Variants in ADAMTSL1 observed in about 807,000 individuals in gnomAD.
The protein encoded by ADAMTSL1 is ADAMTS-like protein 1.
In ADAMTSL1, 126 loss-of-function variants were observed where a neutral mutation model predicts 201.8. That is an observed-to-expected ratio of 0.62 (90% CI 0.54 to 0.72). The LOEUF (loss-of-function observed/expected upper bound fraction) is 0.72, where lower values mean the gene tolerates loss of function less well. Among genes scored for constraint, ADAMTSL1 ranks in the 30% least tolerant of loss-of-function variants. ADAMTSL1 has a pLI of 0.00. For synonymous variants in ADAMTSL1, 1,121 were observed against 903.4 expected (o/e 1.24, Z -4.32); for missense variants, 2,679 against 2,277.8 (o/e 1.18, Z -3.59).
chr9:18,792,705 G>T (rs1226259191), intron 19 of ADAMTSL1, among the ~76,000 whole-genome samples: 3 of 152,158 alleles, frequency 2.0e-5, no homozygotes, highest in Non-Finnish European at 4.4e-5. Context: ...TCATAAAGTT[G>T]ATTTTTAATT....
intron 20 of ADAMTSL1, among the ~76,000 whole-genome samples, chr9:18,814,515 A>G (rs1040736183): frequency 6.6e-6 from 1 of 152,238 alleles, no homozygotes; most frequent in Non-Finnish European, 1.5e-5. Flanking sequence ...CCGACAACTC[A>G]ACAACAACAA....
At chr9:18,425,419 C>T (rs1298721450) in intron 2 of ADAMTSL1, among the ~76,000 whole-genome samples, 1 of 152,018 alleles carries the variant, frequency 6.6e-6, no homozygotes, top group Non-Finnish European at 1.5e-5. Context: ...AAAAATATAC[C>T]CTCTCCCAAA....
intron 2 of ADAMTSL1, among the ~76,000 whole-genome samples, chr9:18,238,157 T>C (rs1830919963): frequency 6.6e-6 from 1 of 152,216 alleles, no homozygotes; most frequent in African/African-American, 2.4e-5. Context: ...GTAACTGCCA[T>C]TGTGTTTTTT....
chr9:17,928,311 A>T (rs1826638253), intron 1 of ADAMTSL1, among the ~76,000 whole-genome samples: 1 of 152,140 alleles, frequency 6.6e-6, no homozygotes, highest in Non-Finnish European at 1.5e-5. Flanking sequence ...TTTTCTGTAT[A>T]CAAGAAAAGC....
chr9:18,843,104 T>C (rs1260701991), intron 23 of ADAMTSL1, among the ~76,000 whole-genome samples: 1 of 151,218 alleles, frequency 6.6e-6, no homozygotes, highest in Non-Finnish European at 1.5e-5. Context: ...TTTTGCTCGT[T>C]AGTTGATGCA....
At chr9:18,241,981 T>G (rs1831083399) in intron 2 of ADAMTSL1, among the ~76,000 whole-genome samples, 1 of 152,032 alleles carries the variant, frequency 6.6e-6, no homozygotes, top group African/African-American at 2.4e-5. Context: ...TCCAAATTAC[T>G]CGAGGGGGAG....
chr9:18,629,904 T>C (rs1264707156), intron 5 of ADAMTSL1, among the ~76,000 whole-genome samples: 2 of 152,230 alleles, frequency 1.3e-5, no homozygotes, highest in Non-Finnish European at 2.9e-5. Context: ...TATGAACTTA[T>C]GGAACACCAT....
At chr9:18,486,154 T>G (rs1821979350) in intron 1 of ADAMTSL1, among the ~76,000 whole-genome samples, 1 of 152,182 alleles carries the variant, frequency 6.6e-6, no homozygotes, top group African/African-American at 2.4e-5. Context: ...TGAATGAAAG[T>G]GTGAAAGAGT....
At chr9:17,930,988 A>G (rs578223853) in intron 1 of ADAMTSL1, among the ~76,000 whole-genome samples, 195 of 152,182 alleles carry the variant, frequency 1.3e-3, no homozygotes, top group Non-Finnish European at 2.2e-3. Context: ...CCAATGTGCT[A>G]TTTTCGTTCC....
At chr9:18,518,749 C>G (rs1818511028) in intron 2 of ADAMTSL1, among the ~76,000 whole-genome samples, 1 of 152,154 alleles carries the variant, frequency 6.6e-6, no homozygotes. Flanking sequence ...CCCTCTGTCA[C>G]CCAGGCTGGA....
intron 15 of ADAMTSL1, among the ~76,000 whole-genome samples, chr9:18,728,951 G>A (rs1818057582): frequency 6.6e-6 from 1 of 152,210 alleles, no homozygotes; most frequent in Non-Finnish European, 1.5e-5. Context: ...ATCCAAGAAA[G>A]CTAAACTCTG....
chr9:18,360,425 T>C (rs1836465698), intron 2 of ADAMTSL1, among the ~76,000 whole-genome samples: 1 of 152,178 alleles, frequency 6.6e-6, no homozygotes, highest in Non-Finnish European at 1.5e-5. Context: ...TGTAAGATTC[T>C]GGGCAAGATT....
chr9:18,319,924 CAT>C (rs1044189277), intron 2 of ADAMTSL1, among the ~76,000 whole-genome samples: 3 of 152,080 alleles, frequency 2.0e-5, no homozygotes, highest in African/African-American at 7.2e-5. Context: ...GTCAGAGAAA[CAT>C]ATGAGTAGAA....
chr9:18,029,790 G>GA (rs1820865279), intron 1 of ADAMTSL1, among the ~76,000 whole-genome samples: 1 of 152,170 alleles, frequency 6.6e-6, no homozygotes. Flanking sequence ...AAAAACACAT[G>GA]AAAAAACGCT....
Position 18,905,501 on chromosome 9 carries a change from T to A in ADAMTSL1, c.4852-281T>A, listed in dbSNP as rs1830253871. ...GCATATTATGCCAAAATATCTTTCA[T>A]ATGATTAATCTGAGAGGAGCTTGAC... On this transcript the variant is annotated intron_variant, in intron 26 of 28. Coordinates refer to ENST00000380548, the MANE Select transcript of ADAMTSL1 (RefSeq NM_001040272.6). The A allele has an allele frequency of 4.3e-5, 18 of 414,246 alleles. 1 individual carries two copies. The South Asian group carries it at 5.3e-4, about 12-fold the overall frequency. 25.7% of individuals were successfully genotyped at this position (414,246 alleles called of 1,614,324 possible).
chr9:18,792,226 CAAGAA>C (rs1469237936), intron 19 of ADAMTSL1, among the ~76,000 whole-genome samples: 1 of 152,062 alleles, frequency 6.6e-6, no homozygotes, highest in Non-Finnish European at 1.5e-5. Flanking sequence ...GCAGCATTAC[CAAGAA>C]AAGAGTCATT....
intron 27 of ADAMTSL1, among the ~76,000 whole-genome samples, chr9:18,906,456 A>C (rs1408000301): frequency 1.3e-5 from 2 of 152,156 alleles, no homozygotes; most frequent in Non-Finnish European, 2.9e-5. Flanking sequence ...TTAGTCATGC[A>C]GTGAGATCCT....
Position 18,657,762 on chromosome 9 carries a change from C to T in ADAMTSL1, c.946+12C>T. The T allele has an allele frequency of 1.2e-6, 2 of 1,601,010 alleles. No homozygotes were observed. Among genetic ancestry groups the T allele is most frequent in the Admixed American group, 1.7e-5 (1 of 59,986 alleles). On this transcript the variant is annotated intron_variant, in intron 8 of 28. Coordinates refer to ENST00000380548, the MANE Select transcript of ADAMTSL1 (RefSeq NM_001040272.6). ...AACCTGTGGAGGAGGTAATGGTGTT[C>T]ACTTAGTCTAAAAACTGTTGGCTTC...
intron 2 of ADAMTSL1, among the ~76,000 whole-genome samples, chr9:18,316,064 C>A (rs1673483057): frequency 6.6e-6 from 1 of 152,156 alleles, no homozygotes; most frequent in South Asian, 2.1e-4. Context: ...TTCCGTGATG[C>A]CCCACAAGCT....
Sources: gnomAD v4.1 joint callset for allele counts (sites outside exome capture counted in the v4.1 genomes callset) on GRCh38, gnomAD v4.1.1 for gene constraint, MANE v1.5 for transcripts, NCBI Gene and HGNC (gene_info 2026-07-23, HGNC 2026-07-21) for gene names.